The following TOP1MT variants were observed in gnomAD, a reference collection of about 807,000 sequenced individuals.
The protein encoded by TOP1MT is DNA topoisomerase I mitochondrial.
TOP1MT carries 80 observed loss-of-function variants against 73.9 expected under a neutral mutation model. That is an observed-to-expected ratio of 1.08 (90% CI 0.90 to 1.30). The LOEUF (loss-of-function observed/expected upper bound fraction) is 1.30. Among genes scored for constraint, TOP1MT ranks in the 50% most tolerant of loss-of-function variants. TOP1MT has a pLI of 0.00. For missense variants in TOP1MT, 815 were observed against 808.0 expected (o/e 1.01, Z -0.10); for synonymous variants, 338 against 326.4 (o/e 1.04, Z -0.38).
At chr8:143,340,856 A>G (rs1214694667) in intron 2 of TOP1MT, among the ~76,000 whole-genome samples, 1 of 151,858 alleles carries the variant, frequency 6.6e-6, no homozygotes, top group Non-Finnish European at 1.5e-5. Context: ...GGTTTTTCCC[A>G]CCCACACTTC....
Position 143,318,047 on chromosome 8 carries a change from G to A in TOP1MT, c.1186C>T (p.Pro396Ser). 3 of 1,614,128 alleles carry A rather than the reference G, an allele frequency of 1.9e-6. No individual in the cohort carries two copies. Among genetic ancestry groups the A allele is most frequent in the African/African-American group, 1.3e-5 (1 of 75,042 alleles). ...AGCCTGTCGAAGAGGTCGTCCCGGG[G>A]GTCCTTGTTCTCCATAAAGAGCTGT... ...NLQLFMENKD[P>S]RDDLFDRLTT... The change falls in exon 9 of 14, where the codon CCC becomes TCC. Residue 396 changes from proline (P) to serine (S), a missense_variant. This residue lies in a region of TOP1MT where 751 missense variants were observed against 725.4 expected (regional missense o/e 1.04). Coordinates refer to ENST00000329245, the MANE Select transcript of TOP1MT (RefSeq NM_052963.3).
At chr8:143,324,764 G>T in intron 5 of TOP1MT, 135 bp from the exon 6 acceptor site, 2 of 1,117,990 alleles carry the variant, frequency 1.8e-6, no homozygotes, top group South Asian at 1.5e-5. Context: ...TCTGGCATCA[G>T]AGGTGGCCTG....
At position 143,344,345 on chromosome 8, in the gene TOP1MT, G is replaced by C. The variant is rs1817183043; in HGVS notation, c.-39+571C>G. ...TGCCCCAGCCCAGCTCAGCCCTCCT[G>C]CTTGAGGAAGAAGGAGTGGCGGGAC... is the stretch of plus-strand genomic sequence containing the variant. On this transcript the variant is annotated intron_variant, in intron 1 of 5. Transcript: ENST00000518007. This position sits in a 1 kb window ranked among gnomAD's most constrained non-coding sequence, Gnocchi z 4.6. The C allele has an allele frequency of 6.6e-6, 1 of 152,452 alleles. No homozygotes were observed. The highest frequency in any genetic ancestry group is 2.4e-5 in the African/African-American group (1 of 41,406). The allele number at this position is 152,452 out of a possible 1,614,324, so 9.4% of individuals were successfully genotyped here. A position where few individuals can be genotyped will look rare whatever the true frequency, so the allele number is the denominator to read the frequency against.
At position 143,326,363 on chromosome 8, in the gene TOP1MT, C is replaced by T. The variant is rs1201096539; in HGVS notation, c.361-19G>A. The T allele has an allele frequency of 1.1e-5, 18 of 1,613,666 alleles. No individual in the cohort carries two copies. Among genetic ancestry groups the T allele is most frequent in the Admixed American group, 6.7e-5 (4 of 59,998 alleles). On this transcript the variant is annotated intron_variant, in intron 3 of 13. Coordinates refer to ENST00000329245, the MANE Select transcript of TOP1MT (RefSeq NM_052963.3). The stretch of plus-strand genomic sequence containing the variant: ...CCATTTCCTGCAAAAACCACAGACA[C>T]GCGCTCTCACCATGTCTGAAGGACA...
intron 10 of TOP1MT, 124 bp from the exon 11 acceptor site, chr8:143,316,250 T>A: frequency 1.4e-6 from 2 of 1,472,386 alleles, no homozygotes; most frequent in Non-Finnish European, 1.9e-6. Flanking sequence ...CCCACTGGGA[T>A]GGGGAGAGTG....
rs758780114 is a variant in TOP1MT, at chr8:143,317,843, G to T, written c.1216-6C>A. 1.2e-6 allele frequency: 2 copies of T among 1,613,876 alleles called. No individual in the cohort carries two copies. Among genetic ancestry groups the T allele is most frequent in the Non-Finnish European group, 1.7e-6 (2 of 1,179,800 alleles). The stretch of plus-strand genomic sequence containing the variant: ...TGCTTGTTCAGGCTGGTCGTCTGGG[G>T]AGGAAAATGGTCTCTATAATTACGT... On this transcript the variant is annotated splice_region_variant and splice_polypyrimidine_tract_variant and intron_variant, in intron 9 of 13. Coordinates refer to ENST00000329245, the MANE Select transcript of TOP1MT (RefSeq NM_052963.3).
In TOP1MT at chr8:143,324,567, G is replaced by A; in HGVS notation, c.734C>T (p.Thr245Ile). The A allele has an allele frequency of 1.9e-6, 3 of 1,613,816 alleles. No individual in the cohort carries two copies. Among genetic ancestry groups the A allele is most frequent in the Non-Finnish European group, 2.5e-6 (3 of 1,180,010 alleles). ...HQWKEVRSDN[T>I]VTWLAAWTES... ...GGTCCAAGCTGCCAGCCACGTGACG[G>A]TGTTATCGGAGCGCACCTCCTTCCA... Residue 245 changes from threonine (T) to isoleucine (I), a missense_variant, in exon 6 of 14, where the codon ACC becomes ATC. Physicochemically the swap from Thr to Ile is moderately conservative, Grantham distance 89 (BLOSUM62 -1). This residue lies in a region of TOP1MT where 751 missense variants were observed against 725.4 expected (regional missense o/e 1.04). Coordinates refer to ENST00000329245, the MANE Select transcript of TOP1MT (RefSeq NM_052963.3).
rs1563761625 is a variant in TOP1MT, at chr8:143,323,716, TG to T, written c.960+282del. Among the ~76,000 whole-genome samples the T allele has an allele frequency of 1.1e-3, 37 of 34,312 alleles. 8 individuals carry two copies. Among genetic ancestry groups the T allele is most frequent in the East Asian group, 6.7e-3 (2 of 300 alleles). The allele number at this position is 34,312 out of a possible 152,430, so 22.5% of individuals were successfully genotyped here. ...CACACACACAGGCACACCACACACA[TG>T]CACGCCACACACACATGCACGCCAC... On this transcript the variant is annotated intron_variant, in intron 7 of 13. Coordinates refer to ENST00000329245, the MANE Select transcript of TOP1MT (RefSeq NM_052963.3).
chr8:143,334,492 G>A (rs1324613957), intron 1 of TOP1MT, among the ~76,000 whole-genome samples: 1 of 152,238 alleles, frequency 6.6e-6, no homozygotes, highest in Non-Finnish European at 1.5e-5. Flanking sequence ...AAAAAAAGAG[G>A]GGAGATTTCC....
At chr8:143,332,067 T>C (rs573479461) in intron 1 of TOP1MT, among the ~76,000 whole-genome samples, 35 of 148,782 alleles carry the variant, frequency 2.4e-4, no homozygotes, top group African/African-American at 7.7e-4. Flanking sequence ...TGGGGGGGTG[T>C]TGGAGGGGGT....
upstream of TOP1MT, among the ~76,000 whole-genome samples, chr8:143,335,138 G>A (rs1816960862): frequency 6.6e-6 from 1 of 152,246 alleles, no homozygotes; most frequent in Non-Finnish European, 1.5e-5. Flanking sequence ...CTGCAGCACA[G>A]GGCTGGCTGT....
chr8:143,326,085 C>A, intron 4 of TOP1MT, 137 bp downstream of exon 4: 3 of 1,012,492 alleles, frequency 3.0e-6, no homozygotes, highest in Non-Finnish European at 2.8e-6. Context: ...TGCAGGGGCG[C>A]TAAGGCTGAC....
At chr8:143,335,487 C>A (rs1027700065), upstream of TOP1MT, among the ~76,000 whole-genome samples, 1 of 152,262 alleles carries the variant, frequency 6.6e-6, no homozygotes, top group Non-Finnish European at 1.5e-5. Context: ...AGAGACCAGG[C>A]ACAGCTGGAG....
chr8:143,335,757 G>C (rs1179542310), upstream of TOP1MT, among the ~76,000 whole-genome samples: 3 of 152,366 alleles, frequency 2.0e-5, no homozygotes, highest in East Asian at 5.8e-4. Context: ...CCGTTGGGGG[G>C]AATGCAGTGG....
chr8:143,318,327 C>A (rs1319465019), intron 8 of TOP1MT, among the ~76,000 whole-genome samples: 3 of 152,208 alleles, frequency 2.0e-5, no homozygotes, highest in Non-Finnish European at 4.4e-5. Context: ...TCCTGCCCTG[C>A]AAACCCCCTG....
intron 1 of TOP1MT, among the ~76,000 whole-genome samples, chr8:143,354,599 C>G (rs1316807047): frequency 1.3e-5 from 2 of 151,954 alleles, no homozygotes; most frequent in Non-Finnish European, 2.9e-5. Flanking sequence ...GTAATTCCAG[C>G]TACTAGGGAG....
At position 143,334,849 on chromosome 8, in the gene TOP1MT, G is replaced by T; in HGVS notation, c.13C>A (p.Arg5=). The change falls in exon 1 of 14, where the codon CGG becomes AGG. Residue 5 remains arginine, a synonymous_variant. Coordinates refer to ENST00000329245, the MANE Select transcript of TOP1MT (RefSeq NM_052963.3). MRVV[R]LLRLRAALTL... is the part of the protein sequence containing the mutation. ...AGAGCCGCCCGGAGCCGCAGCAGCC[G>T]CACCACGCGCATCTGCCAGCCTCCG... 1.3e-6 allele frequency: 2 copies of T among 1,485,560 alleles called. No individual in the cohort carries two copies. Among genetic ancestry groups the T allele is most frequent in the African/African-American group, 2.0e-5 (1 of 50,036 alleles). 92.0% of individuals were successfully genotyped at this position (1,485,560 alleles called of 1,614,324 possible).
upstream of TOP1MT, among the ~76,000 whole-genome samples, chr8:143,359,614 G>C (rs1037175369): frequency 5.3e-5 from 8 of 151,688 alleles, no homozygotes; most frequent in East Asian, 5.8e-4. Flanking sequence ...GGGCCTGGAG[G>C]GGGGACACAA....
chr8:143,330,345 G>C (rs1018061720), intron 2 of TOP1MT, among the ~76,000 whole-genome samples: 3 of 152,222 alleles, frequency 2.0e-5, no homozygotes, highest in African/African-American at 7.2e-5. Flanking sequence ...TGGGGCAGGC[G>C]AGGCAGCCGC....
Sources: gnomAD v4.1 joint callset for allele counts (sites outside exome capture counted in the v4.1 genomes callset) on GRCh38, gnomAD v4.1.1 for gene constraint, gnomAD v4.1.1 regional missense constraint, Gnocchi (gnomAD v3.1) non-coding constraint, MANE v1.5 for transcripts, NCBI Gene and HGNC (gene_info 2026-07-23, HGNC 2026-07-21) for gene names.